C8orf34: variants seen among roughly 807,000 people sequenced by gnomAD.
C8orf34 encodes the protein chromosome 8 open reading frame 34.
C8orf34 carries 65 observed loss-of-function variants against 68.3 expected under a neutral mutation model. That is an observed-to-expected ratio of 0.95 (90% CI 0.78 to 1.17). The LOEUF is 1.17. Among genes scored for constraint, C8orf34 ranks in the 50% most tolerant of loss-of-function variants. The probability of loss-of-function intolerance (pLI) is 0.00; values close to 1 mark genes in which losing one functional copy is unlikely to be tolerated. For missense variants in C8orf34, 664 were observed against 655.4 expected, an observed-to-expected ratio of 1.01 and a Z score of -0.14; for synonymous variants, 244 against 241.2, an observed-to-expected ratio of 1.01 and a Z score of -0.11.
intron 8 of C8orf34, 98 bp downstream of exon 8, chr8:68,640,609 T>C (rs1355056285): frequency 1.6e-6 from 2 of 1,224,960 alleles, no homozygotes; most frequent in Admixed American, 2.5e-5. Context: ...GTTAAGAACA[T>C]CTTTTCCTTC....
intron 4 of C8orf34, among the ~76,000 whole-genome samples, chr8:68,469,910 A>G (rs1052044916): frequency 3.4e-5 from 5 of 148,028 alleles, no homozygotes; most frequent in African/African-American, 1.2e-4. Flanking sequence ...AATTATAATT[A>G]TACATATTTA....
At chr8:68,498,581 T>G (rs2129632377) in intron 5 of C8orf34, among the ~76,000 whole-genome samples, 1 of 152,282 alleles carries the variant, frequency 6.6e-6, no homozygotes, top group South Asian at 2.1e-4. Context: ...GCTGATATAA[T>G]TATAATGAGA....
chr8:68,387,368 C>A (rs1808304814), intron 1 of C8orf34, among the ~76,000 whole-genome samples: 1 of 151,988 alleles, frequency 6.6e-6, no homozygotes, highest in African/African-American at 2.4e-5. Flanking sequence ...ATGATGATGA[C>A]CTAACCTAGG....
At chr8:68,637,275 C>G (rs1818874470) in intron 7 of C8orf34, among the ~76,000 whole-genome samples, 1 of 152,000 alleles carries the variant, frequency 6.6e-6, no homozygotes, top group Non-Finnish European at 1.5e-5. Context: ...TGCATGGTTC[C>G]TATTGCTGGA....
intron 1 of C8orf34, among the ~76,000 whole-genome samples, chr8:68,437,761 G>A (rs902355258): frequency 6.6e-6 from 1 of 151,964 alleles, no homozygotes; most frequent in East Asian, 1.9e-4. Context: ...TAAATATCTT[G>A]CATCATAATG....
At chr8:68,475,305 C>T (rs1449526677) in intron 4 of C8orf34, among the ~76,000 whole-genome samples, 3 of 152,218 alleles carry the variant, frequency 2.0e-5, no homozygotes, top group Non-Finnish European at 4.4e-5. Context: ...ATACTTTTCT[C>T]TGAACACACT....
rs914738214 is a variant in C8orf34 at position 68,613,270 on chromosome 8, C to A, written c.1106-27106C>A. On this transcript the variant is annotated intron_variant, in intron 7 of 13. Transcript: ENST00000518698. The stretch of plus-strand genomic sequence containing the variant: ...CTTGTGGAGAAGACTTTTATAATAT[C>A]TTTTATTTTATGCCTTTTTCTTTTT... Among the ~76,000 whole-genome samples the A allele has an allele frequency of 4.6e-5, 7 of 152,026 alleles. No homozygotes were observed. In the East Asian group the frequency reaches 1.2e-3, roughly 25 times the overall value.
At chr8:68,741,851 G>A (rs906086205) in intron 10 of C8orf34, among the ~76,000 whole-genome samples, 11 of 152,000 alleles carry the variant, frequency 7.2e-5, no homozygotes, top group African/African-American at 2.4e-4. Context: ...TATGTACCAC[G>A]TTTTCTTTAT....
chr8:68,600,694 T>A (rs559399665), intron 7 of C8orf34, among the ~76,000 whole-genome samples: 1 of 152,344 alleles, frequency 6.6e-6, no homozygotes, highest in Admixed American at 6.5e-5. Flanking sequence ...ATGCAAATAA[T>A]GTGTAATGAT....
chr8:68,377,697 AT>A (rs1344441759), intron 1 of C8orf34, among the ~76,000 whole-genome samples: 1 of 151,910 alleles, frequency 6.6e-6, no homozygotes, highest in Non-Finnish European at 1.5e-5. Context: ...TGGCAATCTC[AT>A]TTTTTTTCTA....
rs530575651 is a variant in C8orf34, at chr8:68,420,003, C to CA, written c.328-19486dup. On this transcript the variant is annotated intron_variant, in intron 1 of 13. Coordinates refer to ENST00000518698, the MANE Select transcript of C8orf34 (RefSeq NM_052958.4). ...TAATAAAAAAAAAAAAGAAAAAAGA[C>CA]AAAAAAAAAAGAAAAGAAATTATCT... Among the ~76,000 whole-genome samples, 535 of 133,420 alleles carry CA rather than the reference C, an allele frequency of 4.0e-3. 3 individuals are homozygous for CA. The highest frequency in any genetic ancestry group is 0.01 in the African/African-American group (381 of 36,390). The allele number at this position is 133,420 out of a possible 152,430, so 87.5% of individuals were successfully genotyped here.
At position 68,771,001 on chromosome 8, in the gene C8orf34, C is replaced by T. The variant is rs115974145; in HGVS notation, c.1405-5398C>T. Among the ~76,000 whole-genome samples, 691 of 152,152 alleles carry T rather than the reference C, an allele frequency of 4.5e-3. 6 individuals are homozygous for T. Among genetic ancestry groups the T allele is most frequent in the African/African-American group, 0.016 (653 of 41,526 alleles). On this transcript the variant is annotated intron_variant, in intron 10 of 13. Transcript: ENST00000518698. ...CTCTACCAGTAAAAGGGGTCATTTC[C>T]AGAGAAATGTGGTCTGCATTGATGC...
At chr8:68,393,396 G>C (rs1808554915) in intron 1 of C8orf34, among the ~76,000 whole-genome samples, 2 of 152,072 alleles carry the variant, frequency 1.3e-5, no homozygotes, top group South Asian at 4.1e-4. Context: ...AATTTTGGTA[G>C]AACAAAGCAC....
chr8:68,650,576 T>C (rs1819325226), intron 8 of C8orf34, among the ~76,000 whole-genome samples: 1 of 145,962 alleles, frequency 6.9e-6, no homozygotes, highest in Non-Finnish European at 1.5e-5. Flanking sequence ...GCCTCCCGGG[T>C]TCACGCCATT....
intron 12 of C8orf34, among the ~76,000 whole-genome samples, chr8:68,814,108 C>T (rs1227001735): frequency 6.6e-6 from 1 of 152,118 alleles, no homozygotes; most frequent in Non-Finnish European, 1.5e-5. Context: ...GTATGTAAGA[C>T]CACAGCTAGC....
intron 7 of C8orf34, among the ~76,000 whole-genome samples, chr8:68,552,632 G>A (rs1367816387): frequency 6.6e-6 from 1 of 152,066 alleles, no homozygotes; most frequent in Non-Finnish European, 1.5e-5. Flanking sequence ...AGTGAACAGA[G>A]TGGACATCCT....
intron 1 of C8orf34, among the ~76,000 whole-genome samples, chr8:68,404,986 T>C (rs1220547882): frequency 6.6e-6 from 1 of 152,218 alleles, no homozygotes; most frequent in Non-Finnish European, 1.5e-5. Flanking sequence ...ATATAGATTC[T>C]TCCTATCCAT....
chr8:68,437,084 T>G (rs1215475267), intron 1 of C8orf34, among the ~76,000 whole-genome samples: 2 of 152,208 alleles, frequency 1.3e-5, no homozygotes, highest in Non-Finnish European at 2.9e-5. Context: ...TCGACTATGA[T>G]CATTTCGCTC....
intron 7 of C8orf34, among the ~76,000 whole-genome samples, chr8:68,594,443 T>A (rs1191312076): frequency 6.6e-6 from 1 of 152,034 alleles, no homozygotes; most frequent in East Asian, 1.9e-4. Context: ...AAATATGTAT[T>A]TTTACTCCAA....
Sources: gnomAD v4.1 joint callset for allele counts (sites outside exome capture counted in the v4.1 genomes callset) on GRCh38, gnomAD v4.1.1 for gene constraint, MANE v1.5 for transcripts, NCBI Gene and HGNC (gene_info 2026-07-23, HGNC 2026-07-21) for gene names.